CADPS2: variants seen among roughly 807,000 people sequenced by gnomAD.
The protein encoded by CADPS2 is calcium-dependent secretion activator 2.
CADPS2 carries 93 observed loss-of-function variants against 172.5 expected under a neutral mutation model. The observed-to-expected ratio is 0.54, with a 90% confidence interval of 0.46 to 0.64. The LOEUF is 0.64. Ranked by LOEUF, CADPS2 falls within the 30% of genes least tolerant of loss-of-function variation. The probability of loss-of-function intolerance (pLI) is 0.00; values close to 1 mark genes in which losing one functional copy is unlikely to be tolerated. For missense variants in CADPS2, 1,420 were observed against 1,565.9 expected (o/e 0.91, Z 1.57); for synonymous variants, 546 against 555.2 (o/e 0.98, Z 0.23).
Position 122,556,909 on chromosome 7 carries a change from GTA to G in CADPS2, c.1336-2222_1336-2221del, listed in dbSNP as rs60343818. The stretch of plus-strand genomic sequence containing the variant: ...TTCCTATTGCTCTTCTTTCCCTAGA[GTA>G]TGCAATGGTTTCCTGATTTAGTTAA... On this transcript the variant is annotated intron_variant, in intron 7 of 29. Transcript: ENST00000449022. 7.8e-3 allele frequency among the ~76,000 whole-genome samples: 1,188 copies of G among 152,162 alleles called. 15 individuals carry two copies. The highest frequency in any genetic ancestry group is 0.028 in the African/African-American group (1,148 of 41,530).
At chr7:122,478,332 C>T (rs2056936468) in intron 12 of CADPS2, among the ~76,000 whole-genome samples, 2 of 152,158 alleles carry the variant, frequency 1.3e-5, no homozygotes, top group African/African-American at 2.4e-5. Context: ...AACCAACAAG[C>T]TATGAGCTTA....
At chr7:122,335,874 A>G (rs1200358021) in intron 28 of CADPS2, among the ~76,000 whole-genome samples, 1 of 152,226 alleles carries the variant, frequency 6.6e-6, no homozygotes, top group Non-Finnish European at 1.5e-5. Flanking sequence ...ATTATTCCTT[A>G]GAGGATGCTG....
intron 13 of CADPS2, among the ~76,000 whole-genome samples, chr7:122,474,008 G>T (rs2056309926): frequency 6.6e-6 from 1 of 152,170 alleles, no homozygotes; most frequent in African/African-American, 2.4e-5. Flanking sequence ...AACATCTGGG[G>T]AACAGAACTT....
chr7:122,778,492 A>G (rs904513296), intron 1 of CADPS2, among the ~76,000 whole-genome samples: 2 of 152,230 alleles, frequency 1.3e-5, no homozygotes, highest in African/African-American at 4.8e-5. Flanking sequence ...AAATGTCTCC[A>G]GGGCATATCA....
At chr7:122,719,705 T>C (rs1240516631) in intron 2 of CADPS2, among the ~76,000 whole-genome samples, 2 of 152,118 alleles carry the variant, frequency 1.3e-5, no homozygotes, top group East Asian at 1.9e-4. Flanking sequence ...TTAAATTCTA[T>C]GTGATATAAT....
At chr7:122,388,148 G>A (rs1329322571) in intron 23 of CADPS2, among the ~76,000 whole-genome samples, 1 of 151,866 alleles carries the variant, frequency 6.6e-6, no homozygotes, top group Non-Finnish European at 1.5e-5. Context: ...ACAGAAAATA[G>A]TTAGTAATCC....
At chr7:122,795,161 C>A (rs959196299) in intron 1 of CADPS2, among the ~76,000 whole-genome samples, 3 of 151,288 alleles carry the variant, frequency 2.0e-5, no homozygotes, top group Non-Finnish European at 4.4e-5. Flanking sequence ...AAAAAAAATT[C>A]AAAAGATCAA....
At chr7:122,733,442 G>T (rs181221985) in intron 2 of CADPS2, among the ~76,000 whole-genome samples, 9 of 151,584 alleles carry the variant, frequency 5.9e-5, no homozygotes, top group Admixed American at 5.3e-4. Context: ...CATTCTAGAA[G>T]TTATAAGGTC....
At chr7:122,397,086 C>T (rs893844533) in intron 20 of CADPS2, among the ~76,000 whole-genome samples, 8 of 152,146 alleles carry the variant, frequency 5.3e-5, no homozygotes, top group Admixed American at 3.3e-4. Flanking sequence ...TGTACAAGAT[C>T]GGACTGCTAA....
Position 122,454,349 on chromosome 7 carries a change from C to T in CADPS2, c.2187-2874G>A, listed in dbSNP as rs188240408. 8.0e-3 allele frequency among the ~76,000 whole-genome samples: 1,217 copies of T among 152,218 alleles called. 5 individuals carry two copies. The highest frequency in any genetic ancestry group is 0.017 in the Middle Eastern group (5 of 294). On this transcript the variant is annotated intron_variant, in intron 14 of 29. Transcript: ENST00000449022. ...GTTAGGTTAATTCCCAAGGTCACACCGCTGGGAAATGCAGGAGCCTGGACT... is the reference window on the plus strand; with the variant it reads ...GTTAGGTTAATTCCCAAGGTCACACTGCTGGGAAATGCAGGAGCCTGGACT...
chr7:122,774,082 AT>A (rs1295983304), intron 1 of CADPS2, among the ~76,000 whole-genome samples: 1 of 152,090 alleles, frequency 6.6e-6, no homozygotes, highest in East Asian at 1.9e-4. Context: ...AGCATTTTAG[AT>A]TTTAAAATAA....
intron 1 of CADPS2, among the ~76,000 whole-genome samples, chr7:122,873,784 C>G (rs1479197731): frequency 6.6e-6 from 1 of 152,198 alleles, no homozygotes; most frequent in East Asian, 1.9e-4. Context: ...TACACTCCCA[C>G]CAACAGTATA....
chr7:122,479,197 C>G (rs535039851), intron 12 of CADPS2, among the ~76,000 whole-genome samples: 1 of 152,246 alleles, frequency 6.6e-6, no homozygotes, highest in East Asian at 1.9e-4. Context: ...CAAAACAGAG[C>G]TGAACTAAGA....
chr7:122,360,752 C>T, intron 27 of CADPS2, 36 bp downstream of exon 27: 1 of 1,531,324 alleles, frequency 6.5e-7, no homozygotes, highest in Non-Finnish European at 8.8e-7. Context: ...TTAAAGAATT[C>T]CATACAGTTT....
chr7:122,399,835 C>T (rs1241644880), intron 20 of CADPS2, among the ~76,000 whole-genome samples: 4 of 150,916 alleles, frequency 2.7e-5, no homozygotes, highest in African/African-American at 4.9e-5. Context: ...TACAGGCGCC[C>T]GCCACTACGC....
At chr7:122,561,204 C>A (rs537068829) in intron 7 of CADPS2, among the ~76,000 whole-genome samples, 1 of 152,106 alleles carries the variant, frequency 6.6e-6, no homozygotes, top group Non-Finnish European at 1.5e-5. Context: ...AAATTGAGTT[C>A]TTTTATTTTC....
intron 3 of CADPS2, among the ~76,000 whole-genome samples, chr7:122,649,763 T>C (rs1161282502): frequency 6.6e-6 from 1 of 152,146 alleles, no homozygotes; most frequent in Non-Finnish European, 1.5e-5. Flanking sequence ...ATCTATACCA[T>C]TTATAAAACT....
At chr7:122,608,093 T>A (rs1450468918) in intron 6 of CADPS2, among the ~76,000 whole-genome samples, 2 of 151,958 alleles carry the variant, frequency 1.3e-5, no homozygotes, top group Non-Finnish European at 2.9e-5. Flanking sequence ...GGTGCATGTC[T>A]GTAGTCCCAG....
At chr7:122,350,088 C>T (rs1054790633) in intron 27 of CADPS2, among the ~76,000 whole-genome samples, 3 of 152,044 alleles carry the variant, frequency 2.0e-5, no homozygotes, top group Non-Finnish European at 2.9e-5. Flanking sequence ...AAAAGCTTGC[C>T]TTGAAGAAAC....
Sources: allele counts gnomAD v4.1 joint callset (sites outside exome capture counted in the v4.1 genomes callset), GRCh38; gene constraint gnomAD v4.1.1; transcripts MANE v1.5; gene names NCBI Gene and HGNC (gene_info 2026-07-23, HGNC 2026-07-21).